Variants in MED1 observed in about 807,000 individuals in gnomAD.
MED1 encodes mediator of RNA polymerase II transcription subunit 1.
A neutral mutation model predicts 121.3 loss-of-function variants in MED1; 17 were observed. The observed-to-expected ratio is 0.14, with a 90% CI of 0.10 to 0.21. MED1 has a LOEUF of 0.21. Among genes scored for constraint, MED1 ranks in the 10% least tolerant of loss-of-function variants. MED1 has a pLI of 1.00. For synonymous variants in MED1, 661 were observed against 694.4 expected (o/e 0.95, Z 0.76); for missense variants, 1,558 against 1,919.4 (o/e 0.81, Z 3.52).
chr17:39,408,463 C>G lies in MED1; in HGVS notation c.3758G>C (p.Gly1253Ala). Residue 1253 changes from glycine to alanine, a missense_variant, in exon 17 of 17, where the codon GGC becomes GCC. Gly to Ala is a moderately conservative substitution (Grantham distance 60). Coordinates refer to ENST00000300651, the MANE Select transcript of MED1 (RefSeq NM_004774.4). This position sits in a 1 kb window ranked among gnomAD's most constrained non-coding sequence, Gnocchi z 4.7. ...TGGGGGAGTTTTCTGGGACAACGAG[C>G]CTGAGGATCCTAACCCTGAAGATGA... ...MKSSSGLGSS[G>A]SLSQKTPPSS... 1 of 1,614,112 alleles carries G rather than the reference C, an allele frequency of 6.2e-7. No individual in the cohort carries two copies. The highest frequency in any genetic ancestry group is 8.5e-7 in the Non-Finnish European group (1 of 1,180,026).
chr17:39,433,684 G>A lies in MED1; in HGVS notation c.500+565C>T, dbSNP rs113103595. Among the ~76,000 whole-genome samples, 188 of 152,042 alleles carry A rather than the reference G, an allele frequency of 1.2e-3. 2 individuals are homozygous for A. The highest frequency in any genetic ancestry group is 2.0e-3 in the Non-Finnish European group (137 of 68,008). On this transcript the variant is annotated intron_variant, in intron 7 of 16. Transcript: ENST00000300651. ...TCGTCCCACCTTAGCCTCCGAAGTA[G>A]CTGGGACTACATGCACCCATCACCA...
Position 39,415,311 on chromosome 17 carries a change from C to A in MED1, c.1326G>T (p.Val442=), listed in dbSNP as rs2048398695. ...EDSPGLLQFE[V]CPLSESRFSV... is the part of the protein sequence containing the mutation. The stretch of plus-strand genomic sequence containing the variant: ...TGAAACGAGACTCTGAGAGAGGACA[C>A]ACTTCAAATTGGAGAAGCCCAGGAG... Residue 442 remains valine, a synonymous_variant, in exon 15 of 17, where the codon GTG becomes GTT. Transcript: ENST00000300651. The A allele has an allele frequency of 6.2e-7, 1 of 1,613,366 alleles. No homozygotes were observed.
chr17:39,415,167 T>G, intron 15 of MED1, 36 bp from the exon 16 acceptor site: 1 of 1,609,246 alleles, frequency 6.2e-7, no homozygotes. Context: ...TGTTTTAGAT[T>G]TAGCTTCTGA....
In MED1 at chr17:39,440,361, C is replaced by A; in HGVS notation, c.399+25G>T. On this transcript the variant is annotated intron_variant, in intron 5 of 16. Coordinates refer to ENST00000300651, the MANE Select transcript of MED1 (RefSeq NM_004774.4). The surrounding 1 kb of genome is among the most constrained non-coding windows in gnomAD (Gnocchi z 4.1). ...TGTCCCTAAGTAAACCCCACAGATT[C>A]CAGTGAAATATCAACAACACATACC... is the stretch of plus-strand genomic sequence containing the variant. 1 of 1,536,340 alleles carries A rather than the reference C, an allele frequency of 6.5e-7. No homozygotes were observed. The highest frequency in any genetic ancestry group is 8.7e-7 in the Non-Finnish European group (1 of 1,149,858).
chr17:39,448,648 G>A (rs1458202678), intron 1 of MED1, among the ~76,000 whole-genome samples: 2 of 151,986 alleles, frequency 1.3e-5, no homozygotes, highest in Non-Finnish European at 2.9e-5. Flanking sequence ...AGTGGCTCAC[G>A]CCTGTAATCC....
At position 39,440,403 on chromosome 17, in the gene MED1, G is replaced by A. The variant is rs779920441; in HGVS notation, c.382C>T (p.His128Tyr). The A allele has an allele frequency of 1.9e-6, 3 of 1,573,018 alleles. No individual in the cohort carries two copies. The highest frequency in any genetic ancestry group is 1.2e-5 in the South Asian group (1 of 83,652). Residue 128 changes from histidine (H) to tyrosine (Y), a missense_variant, in exon 5 of 17, where the codon CAT (histidine) becomes TAT (tyrosine). By Grantham distance (83) the His-to-Tyr change is moderately conservative. Around this residue, in one of 5 missense-constraint regions of MED1, gnomAD observed 443 missense variants for 532.4 expected, o/e 0.83. Transcript: ENST00000300651. This position sits in a 1 kb window ranked among gnomAD's most constrained non-coding sequence, Gnocchi z 4.1. ...ACACATACCACAGGATTCTCCCCAT[G>A]GTGAGCCACTTTTACATCACAAAGC... is the stretch of plus-strand genomic sequence containing the variant. ...GQLCDVKVAH[H>Y]GENPVSCPEL...
chr17:39,444,824 A>G (rs1398987554), intron 2 of MED1, among the ~76,000 whole-genome samples: 1 of 152,062 alleles, frequency 6.6e-6, no homozygotes, highest in African/African-American at 2.4e-5. Context: ...AGCCAAGACC[A>G]CACCATTGCA....
At chr17:39,433,358 C>A (rs1365857267) in intron 7 of MED1, among the ~76,000 whole-genome samples, 1 of 146,018 alleles carries the variant, frequency 6.8e-6, no homozygotes, top group African/African-American at 2.5e-5. Flanking sequence ...GACAGAGCGA[C>A]AATCCGTATT....
chr17:39,441,217 ACAAATATATGATT>A (rs1335993583), intron 3 of MED1, among the ~76,000 whole-genome samples: 1 of 152,198 alleles, frequency 6.6e-6, no homozygotes, highest in Non-Finnish European at 1.5e-5. Context: ...TCACAAAAGG[ACAAATATATGATT>A]CCACTTATAT....
intron 14 of MED1, among the ~76,000 whole-genome samples, chr17:39,419,410 AT>A (rs375129052): frequency 2.7e-3 from 388 of 141,936 alleles, no homozygotes; most frequent in African/African-American, 4.8e-3. Flanking sequence ...ACATGTTTGA[AT>A]TTTTTTTTTT....
At position 39,407,991 on chromosome 17, in the gene MED1, C is replaced by T. The variant is rs1335268024; in HGVS notation, c.4230G>A (p.Leu1410=). ...CTCCACTACTTTCCCCAGGTTTCTG[C>T]AAAGTCACTTTGGCTTTAATGCTAG... ...GSPSIKAKVT[L]QKPGESSGEG... is the part of the protein sequence containing the mutation. Residue 1410 remains leucine, a synonymous_variant, in exon 17 of 17, where the codon TTG becomes TTA. Coordinates refer to ENST00000300651, the MANE Select transcript of MED1 (RefSeq NM_004774.4). The T allele has an allele frequency of 6.2e-7, 1 of 1,614,140 alleles. No individual in the cohort carries two copies. The highest frequency in any genetic ancestry group is 2.2e-5 in the East Asian group (1 of 44,880).
Position 39,407,861 on chromosome 17 carries a change from G to A in MED1, c.4360C>T (p.Pro1454Ser). 6.2e-7 allele frequency: 1 copy of A among 1,614,160 alleles called. No homozygotes were observed. Among genetic ancestry groups the A allele is most frequent in the South Asian group, 1.1e-5 (1 of 91,076 alleles). The change falls in exon 17 of 17, where the codon CCA (proline) becomes TCA (serine). Residue 1454 changes from proline (P) to serine (S), a missense_variant. Around this residue, in one of 5 missense-constraint regions of MED1, gnomAD observed 264 missense variants for 326.1 expected, o/e 0.81. Transcript: ENST00000300651. ...TCCAGATTCTGGGGGGTATATGCTGGTGACTTACTATGGCTGGGAGAGCCA... is the reference window on the plus strand; with the variant it reads ...TCCAGATTCTGGGGGGTATATGCTGATGACTTACTATGGCTGGGAGAGCCA... ...ERGSPSHSKS[P>S]AYTPQNLDSE... is the part of the protein sequence containing the mutation.
At chr17:39,434,159 C>A (rs2048596541) in intron 7 of MED1, 90 bp downstream of exon 7, 1 of 798,584 alleles carries the variant, frequency 1.3e-6, no homozygotes, top group Non-Finnish European at 2.0e-6. Context: ...TGACAAACAG[C>A]AGAAGAGGTG....
In MED1 at chr17:39,447,713, T is replaced by TA. The variant is rs1483779348; in HGVS notation, c.132+84dup. 7.4e-6 allele frequency: 7 copies of TA among 948,626 alleles called. No homozygotes were observed. In the African/African-American group the frequency reaches 9.8e-5, roughly 13 times the overall value. 58.8% of individuals were successfully genotyped at this position (948,626 alleles called of 1,614,324 possible). A position where few individuals can be genotyped will look rare whatever the true frequency, so the allele number is the denominator to read the frequency against. On this transcript the variant is annotated intron_variant, in intron 2 of 16. Coordinates refer to ENST00000300651, the MANE Select transcript of MED1 (RefSeq NM_004774.4). ...GTATTCAGATGTTTTATGAAGATAG[T>TA]ATGAACACATCTACATGGGGAGCTT...
chr17:39,415,148 A>G lies in MED1; in HGVS notation c.1394-17T>C, dbSNP rs771344747. ...CCATTACCACTGAAAGACAAAATACATAGGAAATTGTTTTAGATTTAGCTT... is the reference window on the plus strand; with the variant it reads ...CCATTACCACTGAAAGACAAAATACGTAGGAAATTGTTTTAGATTTAGCTT... On this transcript the variant is annotated splice_polypyrimidine_tract_variant and intron_variant, in intron 15 of 16. Transcript: ENST00000300651. 22 of 1,612,164 alleles carry G rather than the reference A, an allele frequency of 1.4e-5. No homozygotes were observed. The highest frequency in any genetic ancestry group is 4.0e-5 in the African/African-American group (3 of 74,886).
At position 39,409,984 on chromosome 17, in the gene MED1, C is replaced by T. The variant is rs745789811; in HGVS notation, c.2237G>A (p.Ser746Asn). The change falls in exon 17 of 17, where the codon AGC becomes AAC. Residue 746 changes from serine to asparagine, a missense_variant. Transcript: ENST00000300651. ...TTGTGGGTAAGTTGTTGGGGGAGTGCTACACTGGCTTGGAGCTGGAGTGAT... is the reference window on the plus strand; with the variant it reads ...TTGTGGGTAAGTTGTTGGGGGAGTGTTACACTGGCTTGGAGCTGGAGTGAT... Reference protein sequence around the residue: ...PHITPAPSQCSTPPTTYPQPV... With the variant: ...PHITPAPSQCNTPPTTYPQPV... 6.2e-7 allele frequency: 1 copy of T among 1,614,034 alleles called. No homozygotes were observed. Among genetic ancestry groups the T allele is most frequent in the Middle Eastern group, 1.6e-4 (1 of 6,062 alleles).
chr17:39,446,180 A>G (rs2144775186), intron 2 of MED1, among the ~76,000 whole-genome samples: 1 of 152,100 alleles, frequency 6.6e-6, no homozygotes, highest in South Asian at 2.1e-4. Flanking sequence ...GGCTAAGCGC[A>G]GTGGCTACGC....
chr17:39,416,144 G>T (rs1241825135), intron 14 of MED1, among the ~76,000 whole-genome samples: 1 of 152,090 alleles, frequency 6.6e-6, no homozygotes. Flanking sequence ...AGATTCCAAG[G>T]AACCTGCCAG....
At chr17:39,443,486 TA>T in intron 3 of MED1, 63 bp downstream of exon 3, 1 of 1,415,112 alleles carries the variant, frequency 7.1e-7, no homozygotes, top group Non-Finnish European at 1.0e-6. Flanking sequence ...AGTTTAAGTA[TA>T]AAATGGTCCT....
Sources: gnomAD v4.1 joint callset for allele counts (sites outside exome capture counted in the v4.1 genomes callset) on GRCh38, gnomAD v4.1.1 for gene constraint, gnomAD v4.1.1 regional missense constraint, Gnocchi (gnomAD v3.1) non-coding constraint, MANE v1.5 for transcripts, NCBI Gene and HGNC (gene_info 2026-07-23, HGNC 2026-07-21) for gene names.